The following PDZD2 variants were observed in gnomAD, a reference collection of about 807,000 sequenced individuals.
PDZD2 encodes the protein PDZ domain-containing protein 2.
In PDZD2, 90 loss-of-function variants were observed where a neutral mutation model predicts 220.7. The ratio of observed to expected loss-of-function variants is 0.41; its 90% CI spans 0.34 to 0.49. The LOEUF is 0.49. Among genes scored for constraint, PDZD2 ranks in the 20% least tolerant of loss-of-function variants. The pLI is 0.28. For synonymous variants in PDZD2, 1,375 were observed against 1,450.5 expected (o/e 0.95, Z 1.18); for missense variants, 3,174 against 3,608.5 (o/e 0.88, Z 3.08).
chr5:32,077,368 C>T, intron 18 of PDZD2, 94 bp from the exon 19 acceptor site: 6 of 1,363,592 alleles, frequency 4.4e-6, no homozygotes, highest in Non-Finnish European at 6.2e-6. Flanking sequence ...TTTGCCTTTT[C>T]CTGAACTAGC....
chr5:31,962,603 T>A (rs889490076), intron 2 of PDZD2, among the ~76,000 whole-genome samples: 1 of 152,184 alleles, frequency 6.6e-6, no homozygotes. Context: ...TCTGGTGAAT[T>A]GTGTATCTCA....
chr5:32,049,140 A>G (rs1031633482), intron 8 of PDZD2, among the ~76,000 whole-genome samples: 13 of 152,012 alleles, frequency 8.6e-5, no homozygotes, highest in Admixed American at 2.0e-4. Context: ...TCAAGCAGCC[A>G]AGGTCATGGG....
intron 2 of PDZD2, among the ~76,000 whole-genome samples, chr5:31,834,286 G>T (rs1756809629): frequency 6.6e-6 from 1 of 152,154 alleles, no homozygotes; most frequent in Non-Finnish European, 1.5e-5. Context: ...CCAATTCCAG[G>T]TTTGAAGATA....
intron 2 of PDZD2, among the ~76,000 whole-genome samples, chr5:31,849,961 TACAC>T (rs1305693484): frequency 1.5e-4 from 3 of 20,396 alleles, no homozygotes; most frequent in African/African-American, 6.9e-4. Context: ...TATATATATA[TACAC>T]ATATATATAT....
intron 1 of PDZD2, among the ~76,000 whole-genome samples, chr5:31,696,470 T>G (rs201976021): frequency 2.1e-5 from 1 of 47,588 alleles, no homozygotes; most frequent in African/African-American, 1.3e-4. Flanking sequence ...TAATGGTTTG[T>G]TTTTTTTGTA....
At chr5:31,716,866 G>T (rs1748480935) in intron 1 of PDZD2, among the ~76,000 whole-genome samples, 1 of 152,142 alleles carries the variant, frequency 6.6e-6, no homozygotes, top group Non-Finnish European at 1.5e-5. Flanking sequence ...GGGTGCAGGG[G>T]CTGTCCCTAG....
chr5:31,986,971 T>C (rs1183233230), intron 3 of PDZD2, among the ~76,000 whole-genome samples: 4 of 152,278 alleles, frequency 2.6e-5, no homozygotes, highest in Middle Eastern at 3.4e-3. Context: ...CTATAAAACA[T>C]TAACTCACAA....
chr5:32,058,811 C>T (rs1739391269), intron 12 of PDZD2, among the ~76,000 whole-genome samples: 2 of 152,164 alleles, frequency 1.3e-5, no homozygotes, highest in Admixed American at 1.3e-4. Flanking sequence ...AATCTTACTG[C>T]TTTTCATCCC....
intron 5 of PDZD2, among the ~76,000 whole-genome samples, chr5:32,002,217 A>G (rs1752187371): frequency 6.6e-6 from 1 of 152,178 alleles, no homozygotes; most frequent in African/African-American, 2.4e-5. Context: ...AAGAGAATCT[A>G]TCTACAGAGT....
Position 31,799,516 on chromosome 5 carries a change from A to T in PDZD2, c.268A>T (p.Ile90Phe), listed in dbSNP as rs766623681. 1.9e-6 allele frequency: 3 copies of T among 1,614,180 alleles called. No individual in the cohort carries two copies. Among genetic ancestry groups the T allele is most frequent in the South Asian group, 2.2e-5 (2 of 91,078 alleles). Residue 90 changes from isoleucine (I) to phenylalanine (F), a missense_variant, in exon 2 of 25, where the codon ATC becomes TTC. Physicochemically the swap from Ile to Phe is conservative, Grantham distance 21 (BLOSUM62 0). Transcript: ENST00000438447. ...GACTGTGGGCCTGAGTTTTGGGAAC[A>T]TCCCTGTTTTCGGGGACTATGGTGA... is the stretch of plus-strand genomic sequence containing the variant. ...TETVGLSFGN[I>F]PVFGDYGEKR... is the part of the protein sequence containing the mutation.
intron 1 of PDZD2, among the ~76,000 whole-genome samples, chr5:31,721,446 G>C (rs1748784977): frequency 6.6e-6 from 1 of 150,568 alleles, no homozygotes; most frequent in Admixed American, 6.6e-5. Flanking sequence ...AGGGCTTCCA[G>C]TAGGAAATAT....
chr5:32,003,934 A>G (rs1752603041), intron 5 of PDZD2, among the ~76,000 whole-genome samples: 1 of 151,450 alleles, frequency 6.6e-6, no homozygotes, highest in Non-Finnish European at 1.5e-5. Context: ...CTGGTCTTAA[A>G]CTCCTGACCT....
intron 6 of PDZD2, among the ~76,000 whole-genome samples, chr5:32,030,624 T>G (rs751267413): frequency 2.9e-4 from 44 of 152,346 alleles, no homozygotes; most frequent in Admixed American, 5.2e-4. Context: ...CCTTTTTTCC[T>G]AACATACTAA....
chr5:31,890,348 T>C (rs1028925999), intron 2 of PDZD2, among the ~76,000 whole-genome samples: 1 of 152,034 alleles, frequency 6.6e-6, no homozygotes, highest in African/African-American at 2.4e-5. Context: ...GGGTGTATGG[T>C]ATTGGACAGC....
At chr5:31,857,725 C>T (rs1349250034) in intron 2 of PDZD2, among the ~76,000 whole-genome samples, 1 of 152,178 alleles carries the variant, frequency 6.6e-6, no homozygotes, top group Non-Finnish European at 1.5e-5. Flanking sequence ...TTTTCCCATC[C>T]ATTTTACTAG....
At chr5:31,742,533 T>TC (rs1235789255) in intron 1 of PDZD2, among the ~76,000 whole-genome samples, 1,087 of 22,466 alleles carry the variant, frequency 0.048, 15 homozygotes, top group African/African-American at 0.15. Context: ...CTCCCCCAAC[T>TC]CCCCCCCTCC....
At chr5:31,917,153 A>G (rs1216459688) in intron 2 of PDZD2, among the ~76,000 whole-genome samples, 3 of 152,236 alleles carry the variant, frequency 2.0e-5, no homozygotes, top group Non-Finnish European at 4.4e-5. Flanking sequence ...CACTGGATCC[A>G]GAAAACCCTT....
rs796481151 is a variant in PDZD2, at chr5:32,109,942, G to GAGTT, written c.*1814_*1817dup. On this transcript the variant is annotated 3_prime_UTR_variant, in exon 25 of 25. Coordinates refer to ENST00000438447, the MANE Select transcript of PDZD2 (RefSeq NM_178140.4). The stretch of plus-strand genomic sequence containing the variant: ...CAATACAAAGGAAAATATGGTACAG[G>GAGTT]AGTTAGTTAGAAAGGTCTTATTGAT... The GAGTT allele has an allele frequency of 2.2e-4, 33 of 152,760 alleles. No individual in the cohort carries two copies. The highest frequency in any genetic ancestry group is 3.9e-4 in the East Asian group (2 of 5,194). 9.5% of individuals were successfully genotyped at this position (152,760 alleles called of 1,614,324 possible).
At chr5:31,689,019 A>G (rs1237963393) in intron 1 of PDZD2, among the ~76,000 whole-genome samples, 2 of 152,088 alleles carry the variant, frequency 1.3e-5, no homozygotes, top group African/African-American at 2.4e-5. Flanking sequence ...TCCAGACCCT[A>G]TTTCCAGATG....
Sources: gnomAD v4.1 joint callset for allele counts (sites outside exome capture counted in the v4.1 genomes callset) on GRCh38, gnomAD v4.1.1 for gene constraint, MANE v1.5 for transcripts, NCBI Gene and HGNC (gene_info 2026-07-23, HGNC 2026-07-21) for gene names.